ASCC3: variants seen among roughly 807,000 people sequenced by gnomAD.
The protein encoded by ASCC3 is ASC-1 complex subunit P200.
ASCC3 carries 158 observed loss-of-function variants against 256.3 expected under a neutral mutation model. The ratio of observed to expected loss-of-function variants is 0.62; its 90% CI spans 0.54 to 0.70. The LOEUF is 0.70. ASCC3 is among the 30% of genes least tolerant of loss of function. The probability of loss-of-function intolerance (pLI) is 0.00; values close to 1 mark genes in which losing one functional copy is unlikely to be tolerated. For synonymous variants in ASCC3, 948 were observed against 883.4 expected (o/e 1.07, Z -1.30); for missense variants, 2,259 against 2,626.0 (o/e 0.86, Z 3.05).
chr6:100,736,634 G>T (rs1476535715), intron 10 of ASCC3, among the ~76,000 whole-genome samples: 1 of 152,154 alleles, frequency 6.6e-6, no homozygotes, highest in Non-Finnish European at 1.5e-5. Context: ...AAGCAAAGAA[G>T]CACATTTACT....
chr6:100,609,672 G>A (rs1025676580), intron 30 of ASCC3, among the ~76,000 whole-genome samples: 12 of 152,156 alleles, frequency 7.9e-5, no homozygotes, highest in Non-Finnish European at 1.3e-4. Flanking sequence ...GGGAGGCCAA[G>A]GTGGGTGGAT....
At chr6:100,725,266 C>A (rs1779568627) in intron 11 of ASCC3, among the ~76,000 whole-genome samples, 1 of 151,786 alleles carries the variant, frequency 6.6e-6, no homozygotes. Context: ...TCTAAGATAT[C>A]CTGTCTTTTC....
chr6:100,608,852 C>T (rs1241670333), intron 30 of ASCC3, among the ~76,000 whole-genome samples: 1 of 136,968 alleles, frequency 7.3e-6, no homozygotes, highest in Non-Finnish European at 1.5e-5. Context: ...CAAGCTCTGC[C>T]TCCCGGGTTC....
intron 3 of ASCC3, chr6:100,858,963 A>T: frequency 4.7e-6 from 3 of 643,100 alleles, no homozygotes; most frequent in Non-Finnish European, 8.4e-6. Flanking sequence ...ATACCTTTTT[A>T]AATGACATTA....
chr6:100,864,747 A>T (rs1398516722), intron 2 of ASCC3, among the ~76,000 whole-genome samples: 1 of 152,138 alleles, frequency 6.6e-6, no homozygotes, highest in African/African-American at 2.4e-5. Context: ...TCTTTTCTAT[A>T]CACACTCTTT....
chr6:100,606,899 T>C (rs2114806950), intron 31 of ASCC3, 39 bp from the exon 32 acceptor site: 1 of 1,606,232 alleles, frequency 6.2e-7, no homozygotes, highest in East Asian at 2.3e-5. Flanking sequence ...CTAAGTAAAA[T>C]ATAACTTTTA....
chr6:100,604,444 AT>A (rs1024618200), intron 33 of ASCC3, among the ~76,000 whole-genome samples: 1 of 149,622 alleles, frequency 6.7e-6, no homozygotes, highest in Non-Finnish European at 1.5e-5. Context: ...TAGACTACTA[AT>A]TTTTTTTTCT....
At chr6:100,782,169 TA>T (rs1782480875) in intron 8 of ASCC3, among the ~76,000 whole-genome samples, 2 of 152,262 alleles carry the variant, frequency 1.3e-5, no homozygotes, top group Middle Eastern at 3.4e-3. Flanking sequence ...GTTGGTCAAC[TA>T]AACTCTAGAT....
chr6:100,514,190 G>A (rs574676392), intron 39 of ASCC3, among the ~76,000 whole-genome samples: 1 of 152,098 alleles, frequency 6.6e-6, no homozygotes, highest in African/African-American at 2.4e-5. Flanking sequence ...TCTTGAACTG[G>A]ATTTTGAAGT....
At chr6:100,633,047 A>G (rs1381042250) in intron 25 of ASCC3, among the ~76,000 whole-genome samples, 2 of 152,290 alleles carry the variant, frequency 1.3e-5, no homozygotes, top group East Asian at 1.9e-4. Flanking sequence ...TGACAAAACG[A>G]AAGAAAATAT....
chr6:100,630,785 A>G (rs1774501137), intron 26 of ASCC3, among the ~76,000 whole-genome samples: 1 of 152,032 alleles, frequency 6.6e-6, no homozygotes, highest in Admixed American at 6.6e-5. Context: ...TCTGGAAGCT[A>G]CTCTGCAAAA....
chr6:100,564,334 G>T (rs192683236), intron 36 of ASCC3, among the ~76,000 whole-genome samples: 3 of 151,852 alleles, frequency 2.0e-5, no homozygotes, highest in Non-Finnish European at 4.4e-5. Flanking sequence ...GTGTTTGTAC[G>T]CATTAACCCA....
In ASCC3 at chr6:100,860,154, ACTT is replaced by A. The variant is rs571828694; in HGVS notation, c.241+3907_241+3909del. ...TTACTGATTACTAGTCTCAGTCTTG[ACTT>A]CTTTATTTTAAAAAGTTTATACTTA... On this transcript the variant is annotated intron_variant, in intron 3 of 41. Transcript: ENST00000369162. 2.5e-3 allele frequency among the ~76,000 whole-genome samples: 381 copies of A among 152,074 alleles called. 2 individuals are homozygous for A. Among genetic ancestry groups the A allele is most frequent in the African/African-American group, 8.7e-3 (362 of 41,536 alleles).
At chr6:100,729,129 TAAC>T (rs775864633) in intron 10 of ASCC3, among the ~76,000 whole-genome samples, 7 of 152,128 alleles carry the variant, frequency 4.6e-5, no homozygotes, top group Non-Finnish European at 1.0e-4. Context: ...ACTGGTACTT[TAAC>T]AACAAGAGCA....
intron 3 of ASCC3, among the ~76,000 whole-genome samples, chr6:100,855,836 A>G (rs962152092): frequency 3.3e-5 from 5 of 152,190 alleles, no homozygotes; most frequent in Admixed American, 1.3e-4. Flanking sequence ...TAACATCACA[A>G]CAACTACAGA....
intron 30 of ASCC3, among the ~76,000 whole-genome samples, chr6:100,619,245 G>A (rs1012955263): frequency 1.1e-4 from 16 of 152,144 alleles, no homozygotes; most frequent in Non-Finnish European, 1.9e-4. Flanking sequence ...TTGCTAGTTC[G>A]GAGGCTTATT....
chr6:100,857,600 G>GA (rs1773012129), intron 3 of ASCC3: 1 of 151,742 alleles, frequency 6.6e-6, no homozygotes, highest in Non-Finnish European at 1.5e-5. Flanking sequence ...ACCATATACT[G>GA]AAAAAATAGC....
At chr6:100,750,277 A>T (rs527668094) in intron 10 of ASCC3, among the ~76,000 whole-genome samples, 42 of 152,190 alleles carry the variant, frequency 2.8e-4, no homozygotes, top group Non-Finnish European at 1.5e-4. Flanking sequence ...TAAAAATTTC[A>T]AAGGTATATG....
intron 36 of ASCC3, among the ~76,000 whole-genome samples, chr6:100,554,341 G>A (rs1014975805): frequency 6.6e-6 from 1 of 152,020 alleles, no homozygotes; most frequent in African/African-American, 2.4e-5. Flanking sequence ...GGAAAGACAC[G>A]ACCAGAATGG....
Sources: allele counts gnomAD v4.1 joint callset (sites outside exome capture counted in the v4.1 genomes callset), GRCh38; gene constraint gnomAD v4.1.1; transcripts MANE v1.5; gene names NCBI Gene and HGNC (gene_info 2026-07-23, HGNC 2026-07-21).